The following APEH variants were observed in gnomAD, a reference collection of about 807,000 sequenced individuals.
APEH encodes the protein acylamino-acid-releasing enzyme.
Under a neutral mutation model 102.7 loss-of-function variants are expected in APEH, and 75 were observed. The observed-to-expected ratio is 0.73, with a 90% confidence interval of 0.61 to 0.89. The LOEUF is 0.89. Ranked by LOEUF, APEH falls within the 40% of genes least tolerant of loss-of-function variation. The pLI is 0.00. For synonymous variants in APEH, 344 were observed against 362.7 expected (o/e 0.95, Z 0.59); for missense variants, 863 against 941.2 (o/e 0.92, Z 1.09).
chr3:49,673,955 TTGGGC>T, upstream of APEH: 1 of 208,184 alleles, frequency 4.8e-6, no homozygotes, highest in Non-Finnish European at 9.7e-6. Context: ...CTTCGCGTGC[TTGGGC>T]CATGCCCGTC....
intron 11 of APEH, among the ~76,000 whole-genome samples, chr3:49,678,524 G>A (rs2053173016): frequency 6.6e-6 from 1 of 152,086 alleles, no homozygotes; most frequent in Non-Finnish European, 1.5e-5. Context: ...TGATATCTTG[G>A]TTAAAGCACC....
In APEH at chr3:49,679,624, C is replaced by T; in HGVS notation, c.1190C>T (p.Thr397Ile). The part of the protein sequence containing the change: ...DLFAVDTQVG[T>I]VTSLTAGGSG... The stretch of plus-strand genomic sequence containing the variant: ...TTTGCTGTGGACACCCAAGTGGGCA[C>T]TGTGACCTCCCTCACAGCTGGTGAG... The change falls in exon 13 of 22, where the codon ACT becomes ATT. Residue 397 changes from threonine (T) to isoleucine (I), a missense_variant. Transcript: ENST00000296456. This position sits in a 1 kb window ranked among gnomAD's most constrained non-coding sequence, Gnocchi z 4.3. The T allele has an allele frequency of 6.2e-7, 1 of 1,613,942 alleles. No homozygotes were observed. The highest frequency in any genetic ancestry group is 8.5e-7 in the Non-Finnish European group (1 of 1,179,878).
At chr3:49,678,821 G>A (rs1269857657) in intron 11 of APEH, 31 bp from the exon 12 acceptor site, 1 of 1,564,154 alleles carries the variant, frequency 6.4e-7, no homozygotes, top group Non-Finnish European at 8.8e-7. Context: ...CTCCACTCCT[G>A]GATGCAGCCT....
chr3:49,681,350 C>T, intron 15 of APEH, 111 bp downstream of exon 15: 1 of 1,270,748 alleles, frequency 7.9e-7, no homozygotes, highest in Non-Finnish European at 1.0e-6. Context: ...TGGTGATGAC[C>T]TCTAAGAGGT....
intron 2 of APEH, 61 bp from the exon 3 acceptor site, chr3:49,675,121 GC>G: frequency 1.9e-6 from 3 of 1,608,758 alleles, no homozygotes; most frequent in Non-Finnish European, 2.5e-6. Flanking sequence ...GTCAGGTGGG[GC>G]TGGGGGCAGT....
Position 49,677,581 on chromosome 3 carries a change from G to C in APEH, c.1008G>C (p.Trp336Cys), listed in dbSNP as rs199629754. The C allele has an allele frequency of 6.2e-7, 1 of 1,613,720 alleles. No individual in the cohort carries two copies. The highest frequency in any genetic ancestry group is 1.3e-5 in the African/African-American group (1 of 75,036). Reference sequence around the variant, plus strand: ...ATTGTGTTCTCTTGCAGTATGACTGGTATACCAAGGTTACCTCAGTGGTGG... The same window carrying C: ...ATTGTGTTCTCTTGCAGTATGACTGCTATACCAAGGTTACCTCAGTGGTGG... ...HQCSQLCLYD[W>C]YTKVTSVVVD... The change falls in exon 11 of 22, where the codon TGG becomes TGC. Residue 336 changes from tryptophan to cysteine, a missense_variant. Coordinates refer to ENST00000296456, the MANE Select transcript of APEH (RefSeq NM_001640.4).
In APEH at chr3:49,676,433, TC is replaced by T; in HGVS notation, c.665del (p.Pro222LeufsTer86). 6.2e-7 allele frequency: 1 copy of T among 1,614,254 alleles called. No individual in the cohort carries two copies. The highest frequency in any genetic ancestry group is 8.5e-7 in the Non-Finnish European group (1 of 1,180,038). On this transcript the variant is annotated frameshift_variant, in exon 7 of 22. Coordinates refer to ENST00000296456, the MANE Select transcript of APEH (RefSeq NM_001640.4). LOFTEE classifies it high-confidence loss of function. ...DWGENMVSKS[I>X]PVLCVLDVES... ...GGAGAAAACATGGTTTCCAAAAGCA[TC>T]CCTGTGCTCTGCGTGCTGGATGTCG...
chr3:49,676,142 T>C lies in APEH; in HGVS notation c.529T>C (p.Phe177Leu). Residue 177 changes from phenylalanine to leucine, a missense_variant, in exon 6 of 22, where the codon TTT (phenylalanine) becomes CTT (leucine). Physicochemically the swap from Phe to Leu is conservative, Grantham distance 22. Coordinates refer to ENST00000296456, the MANE Select transcript of APEH (RefSeq NM_001640.4). ...EKKRPKAESF[F>L]QTKALDVSAS... ...GAAGCGCCCCAAGGCCGAGTCCTTC[T>C]TTCAGACCAAAGCCTTGGACGTCAG... The C allele has an allele frequency of 6.2e-7, 1 of 1,614,206 alleles. No individual in the cohort carries two copies. Among genetic ancestry groups the C allele is most frequent in the Non-Finnish European group, 8.5e-7 (1 of 1,180,032 alleles).
rs1439520538 is a variant in APEH at position 49,682,242 on chromosome 3, T to G, written c.1604-106T>G. 2.1e-5 allele frequency: 25 copies of G among 1,190,910 alleles called. No individual in the cohort carries two copies. In the Admixed American group the frequency reaches 2.9e-4, roughly 14 times the overall value. 73.8% of individuals were successfully genotyped at this position (1,190,910 alleles called of 1,614,324 possible). A position where few individuals can be genotyped will look rare whatever the true frequency, so the allele number is the denominator to read the frequency against. On this transcript the variant is annotated intron_variant, in intron 17 of 21. Coordinates refer to ENST00000296456, the MANE Select transcript of APEH (RefSeq NM_001640.4). ...CCTTCCCCTTGACCCCTTGACAGTCTGTGGTATAGCTGGCCCCAGGGCCTA... is the reference window on the plus strand; with the variant it reads ...CCTTCCCCTTGACCCCTTGACAGTCGGTGGTATAGCTGGCCCCAGGGCCTA...
intron 10 of APEH, among the ~76,000 whole-genome samples, chr3:49,677,254 G>A (rs2053103113): frequency 6.6e-6 from 1 of 152,170 alleles, no homozygotes; most frequent in African/African-American, 2.4e-5. Context: ...GAGAATGCTC[G>A]TCTGCAAGAA....
chr3:49,681,570 G>A (rs2053320373), intron 15 of APEH, 152 bp from the exon 16 acceptor site: 2 of 719,298 alleles, frequency 2.8e-6, no homozygotes, highest in South Asian at 2.1e-5. Context: ...GGCAGAAGAA[G>A]TATGAGCCTT....
intron 6 of APEH, 75 bp downstream of exon 6, chr3:49,676,294 T>G (rs1259809695): frequency 6.2e-7 from 1 of 1,611,452 alleles, no homozygotes; most frequent in African/African-American, 1.3e-5. Flanking sequence ...ATACTGTGCC[T>G]GTCAGACCTG....
Position 49,678,868 on chromosome 3 carries a change from C to T in APEH, c.1077C>T (p.Ile359=). Reference sequence around the variant, plus strand: ...TCTTTACAGAGAACTTCTCTGGGATCTACTGCAGCCTTCTGCCTTTGGGAT... The same window carrying T: ...TCTTTACAGAGAACTTCTCTGGGATTTACTGCAGCCTTCTGCCTTTGGGAT... ...PRQLGENFSG[I]YCSLLPLGCW... The change falls in exon 12 of 22, where the codon ATC becomes ATT. Residue 359 remains isoleucine (I), a synonymous_variant. Transcript: ENST00000296456. 1.2e-6 allele frequency: 2 copies of T among 1,613,670 alleles called. No homozygotes were observed. Among genetic ancestry groups the T allele is most frequent in the Non-Finnish European group, 1.7e-6 (2 of 1,179,742 alleles).
Position 49,683,315 on chromosome 3 carries a change from C to T in APEH, c.2172C>T (p.Leu724=). 6.2e-7 allele frequency: 1 copy of T among 1,613,766 alleles called. No individual in the cohort carries two copies. Among genetic ancestry groups the T allele is most frequent in the Non-Finnish European group, 8.5e-7 (1 of 1,179,860 alleles). Residue 724 remains leucine, a synonymous_variant, in exon 22 of 22, where the codon CTC becomes CTT. Transcript: ENST00000296456. ...VESDSFMNAV[L]WLRTHLGS ...CAGACAGCTTCATGAATGCTGTGCTCTGGCTACGCACACACTTGGGCAGCT... is the reference window on the plus strand; with the variant it reads ...CAGACAGCTTCATGAATGCTGTGCTTTGGCTACGCACACACTTGGGCAGCT...
rs527573581 is a variant in APEH, at chr3:49,674,440, G to C, written c.12+27G>C. On this transcript the variant is annotated intron_variant, in intron 1 of 21. Transcript: ENST00000296456. ...TGAGGGCTCGGCCCGCGGTCCCCGT[G>C]GTCCCTGCAGCCCGGGCCGGGCCTG... is the stretch of plus-strand genomic sequence containing the variant. 406 of 1,573,746 alleles carry C rather than the reference G, an allele frequency of 2.6e-4. 6 individuals carry two copies. In the South Asian group the frequency reaches 3.4e-3, roughly 13 times the overall value.
upstream of APEH, among the ~76,000 whole-genome samples, chr3:49,673,351 G>T (rs1355849327): frequency 6.6e-6 from 1 of 151,996 alleles, no homozygotes; most frequent in Non-Finnish European, 1.5e-5. Flanking sequence ...CAGGGAACCT[G>T]CCTGCCTAGG....
At position 49,676,368 on chromosome 3, in the gene APEH, G is replaced by T. The variant is rs1256721828; in HGVS notation, c.607-10G>T. 2.5e-6 allele frequency: 4 copies of T among 1,614,176 alleles called. No individual in the cohort carries two copies. The highest frequency in any genetic ancestry group is 3.4e-6 in the Non-Finnish European group (4 of 1,180,024). On this transcript the variant is annotated splice_polypyrimidine_tract_variant and intron_variant, in intron 6 of 21. Transcript: ENST00000296456. ...AGACAGGCTGGGCATTGAGTATCTT[G>T]TGTTCTCAGGGGGATCAGTTTGTGT...
At position 49,679,814 on chromosome 3, in the gene APEH, C is replaced by T. The variant is rs1216483897; in HGVS notation, c.1210+170C>T. On this transcript the variant is annotated intron_variant, in intron 13 of 21. Transcript: ENST00000296456. The surrounding 1 kb of genome is among the most constrained non-coding windows in gnomAD (Gnocchi z 4.3). ...CAGGTCCCCAAGGCCCCTGTCTGTG[C>T]AGACCCTTACCCAACCAACAGACTA... 5 of 650,094 alleles carry T rather than the reference C, an allele frequency of 7.7e-6. No homozygotes were observed. The highest frequency in any genetic ancestry group is 1.3e-5 in the Non-Finnish European group (5 of 370,816). The allele number at this position is 650,094 out of a possible 1,614,324, so 40.3% of individuals were successfully genotyped here.
At position 49,682,867 on chromosome 3, in the gene APEH, T is replaced by C. The variant is rs199980792; in HGVS notation, c.1908T>C (p.Pro636=). ...PDWCVVEAGF[P]FSSDCLPDLS... is the part of the protein sequence containing the mutation. Reference sequence around the variant, plus strand: ...GGTGCGTGGTGGAGGCTGGCTTTCCTTTCAGCAGTGACTGCCTGCCAGACC... The same window carrying C: ...GGTGCGTGGTGGAGGCTGGCTTTCCCTTCAGCAGTGACTGCCTGCCAGACC... Residue 636 remains proline, a synonymous_variant, in exon 20 of 22, where the codon CCT becomes CCC. Transcript: ENST00000296456. 4.3e-6 allele frequency: 7 copies of C among 1,614,082 alleles called. No individual in the cohort carries two copies. The highest frequency in any genetic ancestry group is 1.7e-5 in the Admixed American group (1 of 60,022).
Sources: gnomAD v4.1 joint callset for allele counts (sites outside exome capture counted in the v4.1 genomes callset) on GRCh38, gnomAD v4.1.1 for gene constraint, Gnocchi (gnomAD v3.1) non-coding constraint, MANE v1.5 for transcripts, NCBI Gene and HGNC (gene_info 2026-07-23, HGNC 2026-07-21) for gene names.